The following RAD52 variants were observed in gnomAD, a reference collection of about 807,000 sequenced individuals.
RAD52 encodes RAD52 DNA repair protein, also known as DNA repair protein RAD52 homolog.
In RAD52, 47 loss-of-function variants were observed where a neutral mutation model predicts 55.5. The observed-to-expected ratio is 0.85, with a 90% CI of 0.67 to 1.08. RAD52 has a LOEUF of 1.08. Ranked by LOEUF, RAD52 falls within the 50% of genes least tolerant of loss-of-function variation. RAD52 has a pLI of 0.00. For synonymous variants in RAD52, 184 were observed against 198.9 expected, an observed-to-expected ratio of 0.92 and a Z score of 0.63; for missense variants, 468 against 522.8, an observed-to-expected ratio of 0.90 and a Z score of 1.02.
intron 9 of RAD52, among the ~76,000 whole-genome samples, chr12:915,105 G>A (rs1956286472): frequency 6.6e-6 from 1 of 152,224 alleles, no homozygotes; most frequent in Non-Finnish European, 1.5e-5. Context: ...CTGCACTCCA[G>A]GCTGGGTGAC....
chr12:975,899 T>TCA (rs1459428635), intron 1 of RAD52: 3 of 152,390 alleles, frequency 2.0e-5, no homozygotes, highest in African/African-American at 7.2e-5. Context: ...TCTGAGTCTC[T>TCA]GTTGCTGGTT....
At chr12:931,482 T>C (rs55727880) in intron 2 of RAD52, among the ~76,000 whole-genome samples, 161 bp from the exon 3 acceptor site, 30 of 152,322 alleles carry the variant, frequency 2.0e-4, no homozygotes, top group African/African-American at 7.2e-4. Flanking sequence ...TGAGAAACTT[T>C]TAAGGCATGC....
rs1956134815 is a variant in RAD52, at chr12:912,339, T to G, written c.*1052A>C. The G allele has an allele frequency of 5.0e-6, 1 of 202,004 alleles. No homozygotes were observed. Among genetic ancestry groups the G allele is most frequent in the African/African-American group, 2.3e-5 (1 of 43,522 alleles). 12.5% of individuals were successfully genotyped at this position (202,004 alleles called of 1,614,324 possible). ...AAAACCCAGCCCTCTTCAGCTGCAG[T>G]GTATCTTCTTATACAAAAACTCTGT... On this transcript the variant is annotated 3_prime_UTR_variant, in exon 12 of 12. Transcript: ENST00000358495.
intron 7 of RAD52, among the ~76,000 whole-genome samples, chr12:922,126 A>G (rs12308201): frequency 0.023 from 1,078 of 46,254 alleles, 12 homozygotes; most frequent in African/African-American, 0.08. Context: ...TATGGTCAAC[A>G]TCACTAATCA....
At chr12:917,266 A>G (rs759627009) in intron 7 of RAD52, among the ~76,000 whole-genome samples, 2 of 152,200 alleles carry the variant, frequency 1.3e-5, no homozygotes, top group Non-Finnish European at 2.9e-5. Flanking sequence ...GACAGAGGGA[A>G]GAACCCTTGG....
chr12:914,797 AC>A (rs1179674727), intron 9 of RAD52, among the ~76,000 whole-genome samples: 2 of 149,720 alleles, frequency 1.3e-5, no homozygotes, highest in African/African-American at 4.9e-5. Flanking sequence ...AAGGTTTCTC[AC>A]AGGCCATCTA....
intron 1 of RAD52, among the ~76,000 whole-genome samples, chr12:944,621 A>AAC (rs1555177733): frequency 6.3e-4 from 73 of 116,764 alleles, no homozygotes; most frequent in African/African-American, 1.8e-3. Context: ...AAAAAAAAAA[A>AAC]AAAAAAACTC....
chr12:966,316 A>G (rs574923454), intron 1 of RAD52, among the ~76,000 whole-genome samples: 1 of 152,010 alleles, frequency 6.6e-6, no homozygotes, highest in South Asian at 2.1e-4. Flanking sequence ...TCACCTTAAT[A>G]TGTTGTGCTC....
rs548230317 is a variant in RAD52 at position 945,444 on chromosome 12, T to C, written c.-19+4158A>G. 7.8e-4 allele frequency among the ~76,000 whole-genome samples: 115 copies of C among 148,044 alleles called. 1 individual carries two copies. Among genetic ancestry groups the C allele is most frequent in the Middle Eastern group, 6.8e-3 (2 of 292 alleles). On this transcript the variant is annotated intron_variant, in intron 1 of 11. Coordinates refer to ENST00000358495, the MANE Select transcript of RAD52 (RefSeq NM_134424.4). The stretch of plus-strand genomic sequence containing the variant: ...GCTCACCACACTCTGAAGTATGTCT[T>C]TTTTTTTTTGAGGGGGAGACACTCT...
intron 1 of RAD52, among the ~76,000 whole-genome samples, chr12:987,368 A>AT (rs34499273): frequency 3.3e-5 from 5 of 150,744 alleles, no homozygotes; most frequent in African/African-American, 1.2e-4. Flanking sequence ...ACATGGTTGA[A>AT]TTTTTTTTTT....
At chr12:948,607 G>A (rs1042178141) in intron 1 of RAD52, among the ~76,000 whole-genome samples, 3 of 152,132 alleles carry the variant, frequency 2.0e-5, no homozygotes, top group African/African-American at 7.2e-5. Flanking sequence ...GCAGTGAGCC[G>A]AGACGGCGCC....
intron 1 of RAD52, chr12:975,664 C>T (rs531930379): frequency 1.3e-5 from 2 of 152,264 alleles, no homozygotes; most frequent in East Asian, 1.9e-4. Context: ...CTGATACATC[C>T]TCCTGCTCCC....
At position 932,965 on chromosome 12, in the gene RAD52, CCA is replaced by C. The variant is rs780553052; in HGVS notation, c.84+8_84+9del. ...CTCATTCTTTCCCGGCATGAAGGAA[CCA>C]CAGTTACCTGTCCAAAGCATAACAC... On this transcript the variant is annotated splice_region_variant and intron_variant, in intron 2 of 11. Coordinates refer to ENST00000358495, the MANE Select transcript of RAD52 (RefSeq NM_134424.4). 3 of 1,613,624 alleles carry C rather than the reference CCA, an allele frequency of 1.9e-6. No homozygotes were observed. Among genetic ancestry groups the C allele is most frequent in the South Asian group, 1.1e-5 (1 of 91,032 alleles).
upstream of RAD52, among the ~76,000 whole-genome samples, chr12:949,875 C>G (rs774378647): frequency 1.3e-5 from 2 of 152,200 alleles, no homozygotes; most frequent in African/African-American, 4.8e-5. Flanking sequence ...CTTTTACGTT[C>G]TGAGCCGCTC....
At chr12:927,374 T>G in intron 5 of RAD52, 111 bp from the exon 6 acceptor site, 1 of 800,480 alleles carries the variant, frequency 1.2e-6, no homozygotes, top group Non-Finnish European at 2.1e-6. Flanking sequence ...CCTGGCGGCC[T>G]TGCTACAGGG....
intron 1 of RAD52, among the ~76,000 whole-genome samples, chr12:982,750 C>T (rs1162095526): frequency 6.7e-6 from 1 of 150,010 alleles, no homozygotes; most frequent in Non-Finnish European, 1.5e-5. Flanking sequence ...ATTGCAGCCT[C>T]GACCTCCCAG....
intron 1 of RAD52, chr12:977,106 A>G (rs546474145): frequency 6.6e-6 from 1 of 152,420 alleles, no homozygotes; most frequent in South Asian, 2.1e-4. Context: ...ACAAGAATTC[A>G]CTGAAGCAAA....
intron 7 of RAD52, among the ~76,000 whole-genome samples, chr12:922,687 G>A (rs955313414): frequency 6.6e-6 from 1 of 152,122 alleles, no homozygotes; most frequent in African/African-American, 2.4e-5. Flanking sequence ...CAAATTCACA[G>A]AAACAGAAAG....
In RAD52 at chr12:914,123, T is replaced by C. The variant is rs1319706838; in HGVS notation, c.968-2A>G. 3 of 1,612,264 alleles carry C rather than the reference T, an allele frequency of 1.9e-6. No homozygotes were observed. Among genetic ancestry groups the C allele is most frequent in the East Asian group, 2.2e-5 (1 of 44,870 alleles). ...TTTCAGAGTTGTCTTCAAGAGTCTC[T>C]ACAGAGGTCAAGGAAAAGTGCGTCA... On this transcript the variant is annotated splice_acceptor_variant, in intron 10 of 11. Coordinates refer to ENST00000358495, the MANE Select transcript of RAD52 (RefSeq NM_134424.4). LOFTEE classifies it high-confidence loss of function.
Sources: gnomAD v4.1 joint callset for allele counts (sites outside exome capture counted in the v4.1 genomes callset) on GRCh38, gnomAD v4.1.1 for gene constraint, MANE v1.5 for transcripts, NCBI Gene and HGNC (gene_info 2026-07-23, HGNC 2026-07-21) for gene names.